The following CYP26B1 variants were observed in gnomAD, a reference collection of about 807,000 sequenced individuals.
CYP26B1 encodes the protein cytochrome P450 family 26 subfamily B member 1.
A neutral mutation model predicts 39.1 loss-of-function variants in CYP26B1; 8 were observed. The ratio of observed to expected loss-of-function variants is 0.20; its 90% CI spans 0.12 to 0.37. The LOEUF is 0.37. CYP26B1 is among the 10% of genes least tolerant of loss of function. The probability of loss-of-function intolerance (pLI) is 1.00; values close to 1 mark genes in which losing one functional copy is unlikely to be tolerated. For missense variants in CYP26B1, 615 were observed against 707.0 expected, an observed-to-expected ratio of 0.87 and a Z score of 1.48; for synonymous variants, 321 against 314.3, an observed-to-expected ratio of 1.02 and a Z score of -0.23.
Position 72,133,236 on chromosome 2 carries a change from C to T in CYP26B1, c.933G>A (p.Gln311=), listed in dbSNP as rs1407696812. The part of the protein sequence containing the change: ...TASASTSLIM[Q]LLKHPTVLEK... Reference sequence around the variant, plus strand: ...CCAGCACAGTGGGGTGCTTCAGCAGCTGCATGATGAGTGAGGTGCTGGCGC... The same window carrying T: ...CCAGCACAGTGGGGTGCTTCAGCAGTTGCATGATGAGTGAGGTGCTGGCGC... Residue 311 remains glutamine (Q), a synonymous_variant, in exon 5 of 6, where the codon CAG becomes CAA. Transcript: ENST00000001146. The T allele has an allele frequency of 6.2e-7, 1 of 1,612,190 alleles. No individual in the cohort carries two copies.
chr2:72,146,278 C>G (rs1383936892), intron 1 of CYP26B1, among the ~76,000 whole-genome samples: 2 of 150,534 alleles, frequency 1.3e-5, no homozygotes, highest in East Asian at 3.9e-4. Flanking sequence ...TTCCTAAATT[C>G]GCGGCCCAAA....
chr2:72,144,424 G>C, intron 1 of CYP26B1: 1 of 1,362,110 alleles, frequency 7.3e-7, no homozygotes, highest in Non-Finnish European at 9.4e-7. Flanking sequence ...GCAAGGAGGC[G>C]GAGGCCCAGG....
chr2:72,132,241 T>C lies in CYP26B1; in HGVS notation c.1525A>G (p.Ser509Gly). Reference protein sequence around the residue: ...EILPETEAMLSATV With the variant: ...EILPETEAMLGATV ...TGGGTCTTGGGTTAGACTGTGGCGCTCAGCATGGCCTCCGTCTCCGGCAGG... is the reference window on the plus strand; with the variant it reads ...TGGGTCTTGGGTTAGACTGTGGCGCCCAGCATGGCCTCCGTCTCCGGCAGG... The change falls in exon 6 of 6, where the codon AGC becomes GGC. Residue 509 changes from serine to glycine, a missense_variant. Coordinates refer to ENST00000001146, the MANE Select transcript of CYP26B1 (RefSeq NM_019885.4). The C allele has an allele frequency of 6.2e-7, 1 of 1,602,012 alleles. No homozygotes were observed. Among genetic ancestry groups the C allele is most frequent in the Non-Finnish European group, 8.5e-7 (1 of 1,174,740 alleles).
Position 72,132,541 on chromosome 2 carries a change from C to A in CYP26B1, c.1225G>T (p.Val409Leu), listed in dbSNP as rs370211150. ...THDTAPVFKD[V>L]NVFDPDRFSQ... ...AAGCGATCGGGGTCGAACACGTTCACGTCTTTGAACACGGGCGCTGTGTCA... is the reference window on the plus strand; with the variant it reads ...AAGCGATCGGGGTCGAACACGTTCAAGTCTTTGAACACGGGCGCTGTGTCA... The change falls in exon 6 of 6, where the codon GTG becomes TTG. Residue 409 changes from valine (V) to leucine (L), a missense_variant. Coordinates refer to ENST00000001146, the MANE Select transcript of CYP26B1 (RefSeq NM_019885.4). 2.5e-6 allele frequency: 4 copies of A among 1,608,884 alleles called. No homozygotes were observed. In the East Asian group the frequency reaches 6.7e-5, roughly 27 times the overall value.
At chr2:72,143,752 A>C (rs1238042915) in intron 2 of CYP26B1, among the ~76,000 whole-genome samples, 6 of 152,356 alleles carry the variant, frequency 3.9e-5, no homozygotes, top group Non-Finnish European at 8.8e-5. Flanking sequence ...AAGCTCTTCC[A>C]AGCCACCGTT....
intron 2 of CYP26B1, among the ~76,000 whole-genome samples, chr2:72,140,621 C>T (rs1282652083): frequency 6.6e-6 from 1 of 152,292 alleles, no homozygotes; most frequent in East Asian, 1.9e-4. Context: ...TAGCCTTCCC[C>T]GGGACCCCAC....
At position 72,134,852 on chromosome 2, in the gene CYP26B1, C is replaced by T; in HGVS notation, c.770G>A (p.Cys257Tyr). ...GTCCAAGTAGTCCTTGCCCTGTGTG[C>T]ACTGCAGCTTCTCCCGGATGGCCTT... ...LEKAIREKLQ[C>Y]TQGKDYLDAL... Residue 257 changes from cysteine to tyrosine, a missense_variant, in exon 4 of 6, where the codon TGC (cysteine) becomes TAC (tyrosine). Transcript: ENST00000001146. 6.2e-7 allele frequency: 1 copy of T among 1,614,194 alleles called. No individual in the cohort carries two copies. Among genetic ancestry groups the T allele is most frequent in the Non-Finnish European group, 8.5e-7 (1 of 1,180,024 alleles).
intron 5 of CYP26B1, among the ~76,000 whole-genome samples, 191 bp downstream of exon 5, chr2:72,132,832 A>T (rs1285517564): frequency 6.6e-6 from 1 of 152,234 alleles, no homozygotes; most frequent in Non-Finnish European, 1.5e-5. Flanking sequence ...GACTTCACAT[A>T]TGACACCCAA....
rs528492467 is a variant in CYP26B1 at position 72,134,980 on chromosome 2, C to G, written c.706-64G>C. The G allele has an allele frequency of 2.5e-6, 4 of 1,606,602 alleles. No homozygotes were observed. In the East Asian group the frequency reaches 8.9e-5, roughly 36 times the overall value. On this transcript the variant is annotated intron_variant, in intron 3 of 5. Transcript: ENST00000001146. ...GCTCCCATCTGAGCCTCGGGACCAC[C>G]AGGGACGACTCCAGCCTCCTCCTAC... is the stretch of plus-strand genomic sequence containing the variant.
At chr2:72,143,300 G>A (rs953715635) in intron 2 of CYP26B1, among the ~76,000 whole-genome samples, 1 of 151,616 alleles carries the variant, frequency 6.6e-6, no homozygotes, top group Non-Finnish European at 1.5e-5. Flanking sequence ...TGTCCCGTGC[G>A]CGCCTCCTCC....
At chr2:72,141,484 C>T (rs765733752) in intron 2 of CYP26B1, among the ~76,000 whole-genome samples, 9 of 152,198 alleles carry the variant, frequency 5.9e-5, no homozygotes, top group East Asian at 5.8e-4. Flanking sequence ...GAAACAGTGA[C>T]GCTCCAGTTC....
In CYP26B1 at chr2:72,132,302, G is replaced by T. The variant is rs759293226; in HGVS notation, c.1464C>A (p.Val488=). Residue 488 remains valine, a synonymous_variant, in exon 6 of 6, where the codon GTC becomes GTA. Coordinates refer to ENST00000001146, the MANE Select transcript of CYP26B1 (RefSeq NM_019885.4). ...PVLHPVDGLS[V]KFFGLDSNQN... is the part of the protein sequence containing the mutation. ...GGTTGGAGTCCAGGCCAAAGAACTT[G>T]ACGCTGAGGCCATCCACGGGGTGCA... is the stretch of plus-strand genomic sequence containing the variant. The T allele has an allele frequency of 1.9e-6, 3 of 1,607,126 alleles. No homozygotes were observed. The highest frequency in any genetic ancestry group is 2.5e-6 in the Non-Finnish European group (3 of 1,177,102).
At chr2:72,145,067 C>T (rs953273123) in intron 1 of CYP26B1, among the ~76,000 whole-genome samples, 2 of 152,114 alleles carry the variant, frequency 1.3e-5, no homozygotes, top group Non-Finnish European at 2.9e-5. Context: ...CACTAGTTAC[C>T]CCACCCCACG....
intron 2 of CYP26B1, among the ~76,000 whole-genome samples, chr2:72,137,125 G>A (rs1676800651): frequency 6.6e-6 from 1 of 152,174 alleles, no homozygotes; most frequent in African/African-American, 2.4e-5. Flanking sequence ...AAGAGTGCAG[G>A]GTAGGGGCTG....
chr2:72,142,222 A>G (rs1676963360), intron 2 of CYP26B1, among the ~76,000 whole-genome samples: 1 of 152,112 alleles, frequency 6.6e-6, no homozygotes, highest in South Asian at 2.1e-4. Context: ...CAACACCGGG[A>G]GGCCCGAGGC....
In CYP26B1 at chr2:72,132,272, G is replaced by A. The variant is rs140097862; in HGVS notation, c.1494C>T (p.Asn498=). The change falls in exon 6 of 6, where the codon AAC becomes AAT. Residue 498 remains asparagine, a synonymous_variant. Coordinates refer to ENST00000001146, the MANE Select transcript of CYP26B1 (RefSeq NM_019885.4). The part of the protein sequence containing the change: ...VKFFGLDSNQ[N]EILPETEAML... ...TGGCCTCCGTCTCCGGCAGGATCTC[G>A]TTCTGGTTGGAGTCCAGGCCAAAGA... is the stretch of plus-strand genomic sequence containing the variant. 3.1e-5 allele frequency: 50 copies of A among 1,604,984 alleles called. No homozygotes were observed. The highest frequency in any genetic ancestry group is 1.2e-4 in the Admixed American group (7 of 58,392).
chr2:72,133,511 G>A (rs575985686), intron 4 of CYP26B1, among the ~76,000 whole-genome samples: 2 of 152,348 alleles, frequency 1.3e-5, no homozygotes, highest in East Asian at 3.9e-4. Flanking sequence ...GTCCCTAGCT[G>A]GGCAGAAGAC....
chr2:72,144,112 CACGTTCT>C lies in CYP26B1; in HGVS notation c.299_305del (p.Glu100GlyfsTer12), dbSNP rs757748581. The C allele has an allele frequency of 6.2e-7, 1 of 1,612,152 alleles. No individual in the cohort carries two copies. Among genetic ancestry groups the C allele is most frequent in the Non-Finnish European group, 8.5e-7 (1 of 1,178,386 alleles). ...GGTGCTCGCCCATGAGGATCTTGCG[CACGTTCT>C]CCGCGCCGGTCACGCGTATCAGCGG... On this transcript the variant is annotated frameshift_variant, in exon 2 of 6. Coordinates refer to ENST00000001146, the MANE Select transcript of CYP26B1 (RefSeq NM_019885.4). LOFTEE classifies it high-confidence loss of function.
At chr2:72,136,704 G>A (rs1032678470) in intron 2 of CYP26B1, among the ~76,000 whole-genome samples, 20 of 152,198 alleles carry the variant, frequency 1.3e-4, no homozygotes, top group Non-Finnish European at 1.9e-4. Context: ...CCCAGTTTTG[G>A]GGGTCCGAGG....
Sources: gnomAD v4.1 joint callset for allele counts (sites outside exome capture counted in the v4.1 genomes callset) on GRCh38, gnomAD v4.1.1 for gene constraint, MANE v1.5 for transcripts, NCBI Gene and HGNC (gene_info 2026-07-23, HGNC 2026-07-21) for gene names.